Variants in TMEM181 observed in about 807,000 individuals in gnomAD.
TMEM181 encodes the protein transmembrane protein 181.
TMEM181 carries 39 observed loss-of-function variants against 71.9 expected under a neutral mutation model. The ratio of observed to expected loss-of-function variants is 0.54; its 90% CI spans 0.42 to 0.71. The LOEUF (loss-of-function observed/expected upper bound fraction) is 0.71. TMEM181 is among the 30% of genes least tolerant of loss of function. The pLI is 0.00. For synonymous variants in TMEM181, 245 were observed against 228.8 expected (o/e 1.07, Z -0.64); for missense variants, 595 against 583.0 (o/e 1.02, Z -0.21).
chr6:158,560,110 G>C lies in TMEM181; in HGVS notation c.-115G>C. 2 of 985,022 alleles carry C rather than the reference G, an allele frequency of 2.0e-6. No homozygotes were observed. The highest frequency in any genetic ancestry group is 2.3e-4 in the East Asian group (2 of 8,776). 61.0% of individuals were successfully genotyped at this position (985,022 alleles called of 1,614,324 possible). ...TCTGATGAGTTTTCCGCGGCCGGCC[G>C]CTGCTCAGCCGCTGTCGCTCCGGCT... On this transcript the variant is annotated 5_prime_UTR_variant, in exon 1 of 17. Coordinates refer to ENST00000684151, the MANE Select transcript of TMEM181 (RefSeq NM_001376852.1).
At position 158,560,112 on chromosome 6, in the gene TMEM181, T is replaced by C. The variant is rs1782068087; in HGVS notation, c.-113T>C. 2 of 984,600 alleles carry C rather than the reference T, an allele frequency of 2.0e-6. No individual in the cohort carries two copies. Among genetic ancestry groups the C allele is most frequent in the Non-Finnish European group, 1.2e-6 (1 of 829,706 alleles). The allele number at this position is 984,600 out of a possible 1,614,324, so 61.0% of individuals were successfully genotyped here. A position where few individuals can be genotyped will look rare whatever the true frequency, so the allele number is the denominator to read the frequency against. On this transcript the variant is annotated 5_prime_UTR_variant, in exon 1 of 17. Coordinates refer to ENST00000684151, the MANE Select transcript of TMEM181 (RefSeq NM_001376852.1). ...TGATGAGTTTTCCGCGGCCGGCCGC[T>C]GCTCAGCCGCTGTCGCTCCGGCTCC...
Position 158,623,532 on chromosome 6 carries a change from TATA to T in TMEM181, c.897-15_897-13del. On this transcript the variant is annotated splice_polypyrimidine_tract_variant and intron_variant, in intron 10 of 16. Coordinates refer to ENST00000684151, the MANE Select transcript of TMEM181 (RefSeq NM_001376852.1). ...AGGTAGTTATTAATCTATAATTATT[TATA>T]ATGTCAATTTTTAGAGTTAACGAAT... is the stretch of plus-strand genomic sequence containing the variant. The T allele has an allele frequency of 6.8e-7, 1 of 1,480,622 alleles. No homozygotes were observed. Among genetic ancestry groups the T allele is most frequent in the Non-Finnish European group, 9.2e-7 (1 of 1,090,748 alleles). The allele number at this position is 1,480,622 out of a possible 1,614,324, so 91.7% of individuals were successfully genotyped here.
Position 158,625,731 on chromosome 6 carries a change from G to T in TMEM181, c.1086G>T (p.Leu362Phe). ...VDLRLKFLTA[L>F]TFVVLVISIA... ...TCAGGTTGAAATTTTTGACTGCATT[G>T]ACTTTCGTAGTACTTGTCATTAGGT... is the stretch of plus-strand genomic sequence containing the variant. The change falls in exon 13 of 17, where the codon TTG (leucine) becomes TTT (phenylalanine). Residue 362 changes from leucine (L) to phenylalanine (F), a missense_variant. Physicochemically the swap from Leu to Phe is conservative, Grantham distance 22. Coordinates refer to ENST00000684151, the MANE Select transcript of TMEM181 (RefSeq NM_001376852.1). 6.2e-7 allele frequency: 1 copy of T among 1,610,970 alleles called. No homozygotes were observed. The highest frequency in any genetic ancestry group is 1.1e-5 in the South Asian group (1 of 89,814).
At chr6:158,608,488 CG>C in intron 9 of TMEM181, 25 bp downstream of exon 9, 1 of 1,613,994 alleles carries the variant, frequency 6.2e-7, no homozygotes. Context: ...CCCTCACTGC[CG>C]GGGGAGGTTC....
chr6:158,584,092 A>G (rs1483309408), intron 4 of TMEM181, 48 bp downstream of exon 4: 5 of 1,485,100 alleles, frequency 3.4e-6, no homozygotes, highest in East Asian at 4.6e-5. Context: ...ACGAAGAAAC[A>G]TCGTATTTTA....
chr6:158,569,961 CTG>C (rs774410904), intron 1 of TMEM181, among the ~76,000 whole-genome samples: 15 of 152,294 alleles, frequency 9.8e-5, no homozygotes, highest in Non-Finnish European at 2.1e-4. Context: ...TGCTAAATAA[CTG>C]TGCTAGTAGG....
chr6:158,590,694 C>T (rs1784062787), intron 6 of TMEM181, among the ~76,000 whole-genome samples: 1 of 151,708 alleles, frequency 6.6e-6, no homozygotes, highest in Non-Finnish European at 1.5e-5. Context: ...GATCTCCTGA[C>T]CTGGTGATCC....
chr6:158,546,084 G>A (rs1345265427), intron 1 of TMEM181, among the ~76,000 whole-genome samples: 1 of 152,170 alleles, frequency 6.6e-6, no homozygotes, highest in Non-Finnish European at 1.5e-5. Context: ...GCTCTTCGGT[G>A]AACAGAGCCC....
intron 6 of TMEM181, among the ~76,000 whole-genome samples, chr6:158,598,090 C>A (rs1055465675): frequency 3.3e-5 from 5 of 152,182 alleles, no homozygotes; most frequent in African/African-American, 7.2e-5. Flanking sequence ...ATGACGCTTA[C>A]CTCCTGTGTT....
intron 6 of TMEM181, among the ~76,000 whole-genome samples, chr6:158,596,047 G>A (rs1437921473): frequency 2.6e-5 from 4 of 151,888 alleles, no homozygotes; most frequent in Non-Finnish European, 5.9e-5. Context: ...TCAGCCTCCC[G>A]AGTAGCTGGG....
intron 2 of TMEM181, among the ~76,000 whole-genome samples, chr6:158,575,528 G>C (rs928923728): frequency 3.3e-5 from 5 of 152,168 alleles, no homozygotes; most frequent in African/African-American, 1.2e-4. Context: ...ATGTTGGCCA[G>C]GCTGGTCTCG....
chr6:158,624,114 C>T (rs929253680), intron 11 of TMEM181, among the ~76,000 whole-genome samples: 13 of 152,198 alleles, frequency 8.5e-5, no homozygotes, highest in South Asian at 4.1e-4. Flanking sequence ...TTGTGGCTGA[C>T]GCAGTTTGAG....
Position 158,567,967 on chromosome 6 carries a change from G to C in TMEM181, c.9-5453G>C, listed in dbSNP as rs910665931. ...GGCTGCGGGGCACTGTACGCTTCCT[G>C]AGCAGGGCGAGGCTGTTAAAGTGCT... On this transcript the variant is annotated intron_variant, in intron 1 of 16. Transcript: ENST00000684151. Among the ~76,000 whole-genome samples, 6 of 152,282 alleles carry C rather than the reference G, an allele frequency of 3.9e-5. No homozygotes were observed. In the East Asian group the frequency reaches 1.2e-3, roughly 29 times the overall value.
At chr6:158,627,532 G>C (rs191109705) in intron 13 of TMEM181, among the ~76,000 whole-genome samples, 124 of 152,222 alleles carry the variant, frequency 8.1e-4, no homozygotes, top group Non-Finnish European at 1.2e-3. Context: ...TGTATCTCTT[G>C]GAGAGGCGAC....
Position 158,633,822 on chromosome 6 carries a change from TG to T in TMEM181, c.*1935del, listed in dbSNP as rs943251767. On this transcript the variant is annotated 3_prime_UTR_variant, in exon 17 of 17. Coordinates refer to ENST00000684151, the MANE Select transcript of TMEM181 (RefSeq NM_001376852.1). ...ATGATGTTTTTTTTATTCTGTGTAT[TG>T]AAAAAAATTTTCTGTTACCAAATTT... is the stretch of plus-strand genomic sequence containing the variant. 1.3e-5 allele frequency: 2 copies of T among 152,170 alleles called. No homozygotes were observed. The highest frequency in any genetic ancestry group is 2.9e-5 in the Non-Finnish European group (2 of 68,022). 9.4% of individuals were successfully genotyped at this position (152,170 alleles called of 1,614,324 possible). A position where few individuals can be genotyped will look rare whatever the true frequency, so the allele number is the denominator to read the frequency against.
rs1444583959 is a variant in TMEM181 at position 158,573,447 on chromosome 6, C to G, written c.36C>G (p.Leu12=). The part of the protein sequence containing the change: ...EPLAPMRLYT[L]SKRHFVLVFV... The stretch of plus-strand genomic sequence containing the variant: ...TGGCGCCCATGCGGCTCTACACGCT[C>G]TCCAAGCGCCACTTTGTCCTCGTGT... The change falls in exon 2 of 17, where the codon CTC becomes CTG. Residue 12 remains leucine (L), a synonymous_variant. Transcript: ENST00000684151. The G allele has an allele frequency of 1.3e-6, 2 of 1,596,864 alleles. No homozygotes were observed. Among genetic ancestry groups the G allele is most frequent in the South Asian group, 1.1e-5 (1 of 88,308 alleles).
upstream of TMEM181, chr6:158,559,994 C>T (rs1052128380): frequency 1.8e-5 from 17 of 961,500 alleles, no homozygotes; most frequent in African/African-American, 2.8e-4. Flanking sequence ...GGGCCACCCC[C>T]CTCGCCGCGC....
chr6:158,594,378 C>T (rs545863325), intron 6 of TMEM181, among the ~76,000 whole-genome samples: 1 of 152,048 alleles, frequency 6.6e-6, no homozygotes, highest in Non-Finnish European at 1.5e-5. Context: ...GGATTACATG[C>T]GTGAGCCACT....
intron 1 of TMEM181, among the ~76,000 whole-genome samples, chr6:158,539,412 C>T (rs1295587827): frequency 1.3e-5 from 2 of 152,180 alleles, no homozygotes; most frequent in African/African-American, 4.8e-5. Context: ...TACAGCTCCG[C>T]ATCTGTCTAG....
Sources: allele counts gnomAD v4.1 joint callset (sites outside exome capture counted in the v4.1 genomes callset), GRCh38; gene constraint gnomAD v4.1.1; transcripts MANE v1.5; gene names NCBI Gene and HGNC (gene_info 2026-07-23, HGNC 2026-07-21).